ANKRD44: variants seen among roughly 807,000 people sequenced by gnomAD.
ANKRD44 encodes serine/threonine-protein phosphatase 6 regulatory ankyrin repeat subunit B.
A neutral mutation model predicts 116.0 loss-of-function variants in ANKRD44; 35 were observed. That is an observed-to-expected ratio of 0.30 (90% confidence interval 0.23 to 0.40). The LOEUF (loss-of-function observed/expected upper bound fraction) is 0.40, where lower values mean the gene tolerates loss of function less well. Ranked by LOEUF, ANKRD44 falls within the 10% of genes least tolerant of loss-of-function variation. The pLI, the probability that ANKRD44 is intolerant of heterozygous loss-of-function variation, is 1.00. For missense variants in ANKRD44, 1,014 were observed against 1,242.6 expected (o/e 0.82, Z 2.77); for synonymous variants, 435 against 461.8 (o/e 0.94, Z 0.74).
chr2:197,226,640 C>T (rs760566326), intron 1 of ANKRD44, among the ~76,000 whole-genome samples: 66 of 150,292 alleles, frequency 4.4e-4, no homozygotes, highest in Non-Finnish European at 8.3e-4. Flanking sequence ...TCCAGCCTGG[C>T]GACAAGAGCA....
intron 3 of ANKRD44, among the ~76,000 whole-genome samples, chr2:197,141,838 T>C (rs547058135): frequency 1.3e-5 from 2 of 152,336 alleles, no homozygotes; most frequent in South Asian, 4.1e-4. Context: ...ATCCTCTTCC[T>C]CTGAACACTT....
At chr2:197,077,516 T>C (rs2077696280) in intron 16 of ANKRD44, among the ~76,000 whole-genome samples, 2 of 152,140 alleles carry the variant, frequency 1.3e-5, no homozygotes, top group African/African-American at 2.4e-5. Flanking sequence ...TTTGTTTTGA[T>C]TGGGAGGGGT....
intron 1 of ANKRD44, among the ~76,000 whole-genome samples, chr2:197,287,953 G>C (rs957475368): frequency 8.0e-5 from 12 of 149,502 alleles, no homozygotes; most frequent in African/African-American, 3.0e-4. Context: ...CCGGGAGGCA[G>C]AGGTTGCAGT....
chr2:197,173,897 G>A (rs2712896), intron 2 of ANKRD44, among the ~76,000 whole-genome samples: 3 of 152,246 alleles, frequency 2.0e-5, no homozygotes, highest in African/African-American at 7.2e-5. Flanking sequence ...GCCGGGCATG[G>A]TAGCACATGT....
intron 21 of ANKRD44, among the ~76,000 whole-genome samples, chr2:196,969,036 A>C (rs988493877): frequency 6.6e-6 from 1 of 152,162 alleles, no homozygotes; most frequent in East Asian, 1.9e-4. Context: ...CCACTCATAC[A>C]TTCACTTATT....
chr2:196,969,490 T>C (rs747598577), intron 21 of ANKRD44, among the ~76,000 whole-genome samples: 1 of 152,184 alleles, frequency 6.6e-6, no homozygotes. Context: ...AACTGTCGTT[T>C]GGTATGTGGC....
At chr2:197,181,459 C>G (rs569736964) in intron 2 of ANKRD44, among the ~76,000 whole-genome samples, 2 of 152,240 alleles carry the variant, frequency 1.3e-5, no homozygotes, top group East Asian at 3.9e-4. Context: ...GACTCACAAC[C>G]CTTGGGACTA....
Position 197,125,871 on chromosome 2 carries a change from G to T in ANKRD44, c.428C>A (p.Ala143Asp). Residue 143 changes from alanine (A) to aspartate (D), a missense_variant, in exon 5 of 28, where the codon GCC becomes GAC. Coordinates refer to ENST00000282272, the MANE Select transcript of ANKRD44 (RefSeq NM_001195144.2). ...VNVSDRGGRT[A>D]LHHAALNGHV... ...GCCGTTCAGAGCCGCATGGTGCAAG[G>T]CTGTGCGCCCCCCTCGGTCGGAGAC... is the stretch of plus-strand genomic sequence containing the variant. The T allele has an allele frequency of 6.2e-7, 1 of 1,614,148 alleles. No individual in the cohort carries two copies. Among genetic ancestry groups the T allele is most frequent in the Non-Finnish European group, 8.5e-7 (1 of 1,180,034 alleles).
chr2:197,295,372 G>A (rs867338350), intron 1 of ANKRD44, among the ~76,000 whole-genome samples: 6 of 152,338 alleles, frequency 3.9e-5, no homozygotes, highest in Middle Eastern at 6.8e-3. Context: ...CAACTCTGCT[G>A]TTGTAGCGCC....
At chr2:197,078,631 A>G in intron 16 of ANKRD44, 72 bp downstream of exon 16, 5 of 1,570,692 alleles carry the variant, frequency 3.2e-6, no homozygotes, top group Non-Finnish European at 4.3e-6. Context: ...CTGGAAAAAA[A>G]CAGTTAATGC....
intron 1 of ANKRD44, among the ~76,000 whole-genome samples, chr2:197,200,579 C>T (rs1273670819): frequency 6.6e-6 from 1 of 152,106 alleles, no homozygotes; most frequent in Admixed American, 6.6e-5. Flanking sequence ...TGCACTACTT[C>T]CAGACAGCAC....
intron 1 of ANKRD44, among the ~76,000 whole-genome samples, chr2:197,298,342 A>C (rs1241395428): frequency 6.6e-6 from 1 of 152,224 alleles, no homozygotes; most frequent in East Asian, 1.9e-4. Context: ...ACAAGATGGG[A>C]TTCTAAGACC....
rs2075882356 is a variant in ANKRD44, at chr2:196,989,537, T to TAC, written c.*52_*53dup. ...ACACACACACACATATATATATATA[T>TAC]ACACACGCACACATATATGTGTGCA... On this transcript the variant is annotated 3_prime_UTR_variant, in exon 28 of 28. Transcript: ENST00000282272. The TAC allele has an allele frequency of 1.7e-5, 26 of 1,533,734 alleles. No homozygotes were observed. The highest frequency in any genetic ancestry group is 2.1e-5 in the Non-Finnish European group (24 of 1,138,058).
Position 197,210,178 on chromosome 2 carries a change from T to A in ANKRD44, c.28-23072A>T, listed in dbSNP as rs538262706. 2.6e-5 allele frequency among the ~76,000 whole-genome samples: 4 copies of A among 152,296 alleles called. No homozygotes were observed. The South Asian group carries it at 8.3e-4, about 32-fold the overall frequency. ...AACAGCAGCAAGAGGAAGTTGGGTG[T>A]TTCGAATGGAGACAAAGAAAGAAAA... On this transcript the variant is annotated intron_variant, in intron 1 of 27. Coordinates refer to ENST00000282272, the MANE Select transcript of ANKRD44 (RefSeq NM_001195144.2).
In ANKRD44 at chr2:197,110,811, C is replaced by T. The variant is rs1436559130; in HGVS notation, c.940G>A (p.Ala314Thr). ...GACCGTGTGAACCTTCCATGGACAG[C>T]TGTCATGTGCAGTGGACTTTTGCCA... ...KDGKSPLHMT[A>T]VHGRFTRSQT... The change falls in exon 9 of 28, where the codon GCT becomes ACT. Residue 314 changes from alanine to threonine, a missense_variant. Transcript: ENST00000282272. 6.2e-7 allele frequency: 1 copy of T among 1,613,990 alleles called. No individual in the cohort carries two copies. Among genetic ancestry groups the T allele is most frequent in the South Asian group, 1.1e-5 (1 of 91,078 alleles).
chr2:197,199,944 C>T (rs914860388), intron 1 of ANKRD44, among the ~76,000 whole-genome samples: 4 of 152,132 alleles, frequency 2.6e-5, no homozygotes, highest in African/African-American at 9.7e-5. Flanking sequence ...ACAAACAAGC[C>T]TCTATCAGTG....
intron 2 of ANKRD44, among the ~76,000 whole-genome samples, chr2:197,182,548 T>A (rs1187873458): frequency 6.6e-6 from 1 of 152,226 alleles, no homozygotes; most frequent in East Asian, 1.9e-4. Context: ...CTGCAAGGAC[T>A]GGACTAGGCG....
chr2:197,309,143 G>T (rs77380964), intron 1 of ANKRD44, among the ~76,000 whole-genome samples: 1 of 152,160 alleles, frequency 6.6e-6, no homozygotes, highest in East Asian at 1.9e-4. Flanking sequence ...GTACAGCAAC[G>T]TGTACTAGCA....
chr2:196,984,529 G>A (rs2075823738), downstream of ANKRD44, among the ~76,000 whole-genome samples: 1 of 152,196 alleles, frequency 6.6e-6, no homozygotes, highest in Admixed American at 6.5e-5. Flanking sequence ...ACTAATTCTG[G>A]AACACATTAA....
Sources: allele counts gnomAD v4.1 joint callset (sites outside exome capture counted in the v4.1 genomes callset), GRCh38; gene constraint gnomAD v4.1.1; transcripts MANE v1.5; gene names NCBI Gene and HGNC (gene_info 2026-07-23, HGNC 2026-07-21).